Variants in ARHGAP24 observed in about 807,000 individuals in gnomAD.
ARHGAP24 encodes the protein Rho GTPase activating protein 24.
Under a neutral mutation model 76.4 loss-of-function variants are expected in ARHGAP24, and 50 were observed. The observed-to-expected ratio is 0.65, with a 90% CI of 0.52 to 0.83. The LOEUF is 0.83. Among genes scored for constraint, ARHGAP24 ranks in the 40% least tolerant of loss-of-function variants. The pLI, the probability that ARHGAP24 is intolerant of heterozygous loss-of-function variation, is 0.00. For synonymous variants in ARHGAP24, 345 were observed against 323.3 expected (o/e 1.07, Z -0.72); for missense variants, 930 against 914.2 (o/e 1.02, Z -0.22).
intron 1 of ARHGAP24, among the ~76,000 whole-genome samples, chr4:85,507,275 G>A (rs1387584086): frequency 6.6e-6 from 1 of 152,050 alleles, no homozygotes; most frequent in Non-Finnish European, 1.5e-5. Context: ...AGGCTGGAGT[G>A]CAGTGGTGCG....
chr4:85,911,250 C>A (rs569683986), intron 3 of ARHGAP24, among the ~76,000 whole-genome samples: 17 of 152,298 alleles, frequency 1.1e-4, no homozygotes, highest in South Asian at 8.3e-4. Context: ...TGGGGTGGGG[C>A]TCCCACTTGT....
At chr4:85,670,637 T>C (rs540712635) in intron 2 of ARHGAP24, among the ~76,000 whole-genome samples, 8 of 152,314 alleles carry the variant, frequency 5.3e-5, no homozygotes, top group Non-Finnish European at 7.3e-5. Context: ...TGTGACTGAA[T>C]TACTATTATT....
At chr4:85,865,487 TAATA>T (rs1732144475) in intron 3 of ARHGAP24, among the ~76,000 whole-genome samples, 2 of 147,396 alleles carry the variant, frequency 1.4e-5, no homozygotes, top group Admixed American at 6.8e-5. Context: ...TATAAACAAA[TAATA>T]AATAATTTAA....
intron 2 of ARHGAP24, among the ~76,000 whole-genome samples, chr4:85,600,039 T>A (rs1372737023): frequency 6.6e-6 from 1 of 151,772 alleles, no homozygotes; most frequent in Non-Finnish European, 1.5e-5. Flanking sequence ...CCATGTTAAG[T>A]GTTGTAAAGA....
chr4:85,733,076 T>TTTTTTTTTTTTTTTTTG (rs1725475263), intron 3 of ARHGAP24, among the ~76,000 whole-genome samples: 1 of 124,780 alleles, frequency 8.0e-6, no homozygotes, highest in Non-Finnish European at 1.7e-5. Flanking sequence ...TTTTTTTTTT[T>TTTTTTTTTTTTTTTTTG]TTTTTGAGAT....
intron 1 of ARHGAP24, among the ~76,000 whole-genome samples, chr4:85,534,363 T>TA (rs2110118513): frequency 6.6e-6 from 1 of 152,322 alleles, no homozygotes; most frequent in South Asian, 2.1e-4. Context: ...TGAAAGATTG[T>TA]AACTAACTTC....
At chr4:85,566,173 T>A (rs547450415) in intron 1 of ARHGAP24, among the ~76,000 whole-genome samples, 15 of 152,350 alleles carry the variant, frequency 9.8e-5, no homozygotes, top group African/African-American at 2.6e-4. Flanking sequence ...AGATTATTAC[T>A]TTGTTCATTG....
chr4:85,871,428 C>T (rs558006737), intron 3 of ARHGAP24, among the ~76,000 whole-genome samples: 65 of 152,262 alleles, frequency 4.3e-4, no homozygotes, highest in Admixed American at 2.8e-3. Flanking sequence ...ATTCCATACT[C>T]GTTGATCAAC....
At chr4:85,979,947 T>C (rs899716598) in intron 8 of ARHGAP24, among the ~76,000 whole-genome samples, 3 of 152,212 alleles carry the variant, frequency 2.0e-5, no homozygotes, top group Non-Finnish European at 2.9e-5. Context: ...AATTTTCCCA[T>C]CTTTGGCCAG....
chr4:85,577,518 A>T (rs969503013), intron 2 of ARHGAP24, among the ~76,000 whole-genome samples: 1 of 152,168 alleles, frequency 6.6e-6, no homozygotes, highest in Non-Finnish European at 1.5e-5. Context: ...TCACATGAGC[A>T]CATCTAACTG....
intron 1 of ARHGAP24, among the ~76,000 whole-genome samples, chr4:85,493,085 C>T (rs1723422243): frequency 6.6e-6 from 1 of 152,162 alleles, no homozygotes; most frequent in South Asian, 2.1e-4. Flanking sequence ...GGCAAGAGTA[C>T]CATAGAATTA....
chr4:85,591,031 G>GTTTTTTTT (rs35373441), intron 2 of ARHGAP24, among the ~76,000 whole-genome samples: 8 of 62,610 alleles, frequency 1.3e-4, no homozygotes, highest in African/African-American at 2.7e-4. Flanking sequence ...AATCTGCTGG[G>GTTTTTTTT]TTTTTTTTTT....
intron 3 of ARHGAP24, among the ~76,000 whole-genome samples, chr4:85,772,262 T>C (rs1479157951): frequency 6.6e-6 from 1 of 152,108 alleles, no homozygotes; most frequent in Non-Finnish European, 1.5e-5. Context: ...CCTGTAAGAG[T>C]CTTGGATTTT....
chr4:85,829,549 G>A (rs1159513532), intron 3 of ARHGAP24, among the ~76,000 whole-genome samples: 1 of 152,180 alleles, frequency 6.6e-6, no homozygotes, highest in East Asian at 1.9e-4. Flanking sequence ...TTCTATGCGA[G>A]TTAAGAAAAA....
At chr4:85,702,230 G>A (rs1427521776) in intron 2 of ARHGAP24, among the ~76,000 whole-genome samples, 2 of 152,144 alleles carry the variant, frequency 1.3e-5, no homozygotes, top group African/African-American at 4.8e-5. Context: ...GAAAGGGGAA[G>A]TACATTCTGT....
intron 1 of ARHGAP24, among the ~76,000 whole-genome samples, chr4:85,506,560 A>G (rs6531825): frequency 0.96 from 146,158 of 152,140 alleles, 70,480 homozygotes; most frequent in East Asian, 1. Context: ...CCAGGCACAG[A>G]AGAAAATCTT....
At chr4:85,863,212 C>G (rs142990748) in intron 3 of ARHGAP24, among the ~76,000 whole-genome samples, 1 of 151,986 alleles carries the variant, frequency 6.6e-6, no homozygotes, top group Non-Finnish European at 1.5e-5. Flanking sequence ...AGCTACTTCT[C>G]CTTTCCACAG....
At chr4:85,494,736 C>T (rs970476979) in intron 1 of ARHGAP24, among the ~76,000 whole-genome samples, 15 of 151,100 alleles carry the variant, frequency 9.9e-5, no homozygotes, top group African/African-American at 3.6e-4. Flanking sequence ...AATAAAATAA[C>T]AGAAAATAGC....
chr4:85,757,221 T>TG (rs1369264028), intron 3 of ARHGAP24, among the ~76,000 whole-genome samples: 1 of 150,774 alleles, frequency 6.6e-6, no homozygotes, highest in Non-Finnish European at 1.5e-5. Context: ...TTCTTTTTTT[T>TG]TTTTTTTTTA....
Sources: gnomAD v4.1 joint callset for allele counts (sites outside exome capture counted in the v4.1 genomes callset) on GRCh38, gnomAD v4.1.1 for gene constraint, MANE v1.5 for transcripts, NCBI Gene and HGNC (gene_info 2026-07-23, HGNC 2026-07-21) for gene names.